Variants in MINDY4 observed in about 807,000 individuals in gnomAD.
MINDY4 encodes the protein MINDY lysine 48 deubiquitinase 4.
MINDY4 carries 68 observed loss-of-function variants against 87.0 expected under a neutral mutation model. The observed-to-expected ratio is 0.78, with a 90% CI of 0.64 to 0.96. MINDY4 has a LOEUF of 0.96. Among genes scored for constraint, MINDY4 ranks in the 40% least tolerant of loss-of-function variants. The probability of loss-of-function intolerance (pLI) is 0.00; values close to 1 mark genes in which losing one functional copy is unlikely to be tolerated. For synonymous variants in MINDY4, 379 were observed against 363.2 expected (o/e 1.04, Z -0.50); for missense variants, 919 against 928.2 (o/e 0.99, Z 0.13).
intron 13 of MINDY4, among the ~76,000 whole-genome samples, chr7:30,862,913 T>G (rs1238375507): frequency 6.6e-6 from 1 of 152,220 alleles, no homozygotes; most frequent in Non-Finnish European, 1.5e-5. Context: ...TAAGCTTTAT[T>G]TTCAAGCTCA....
At chr7:30,773,979 T>G (rs1157578433) in intron 1 of MINDY4, among the ~76,000 whole-genome samples, 1 of 152,108 alleles carries the variant, frequency 6.6e-6, no homozygotes, top group African/African-American at 2.4e-5. Context: ...ACAGTAAAAT[T>G]CCACTCGTCC....
chr7:30,850,088 T>G (rs1405636740), intron 9 of MINDY4, among the ~76,000 whole-genome samples: 2 of 152,154 alleles, frequency 1.3e-5, no homozygotes, highest in African/African-American at 2.4e-5. Context: ...TGGCAGTCAT[T>G]CCCGAGCACT....
At chr7:30,806,042 G>C (rs1787796456) in intron 5 of MINDY4, among the ~76,000 whole-genome samples, 2 of 152,146 alleles carry the variant, frequency 1.3e-5, no homozygotes, top group Admixed American at 1.3e-4. Context: ...GATGGGCCCA[G>C]GGCATTACAA....
At chr7:30,851,260 A>G (rs933905612) in intron 10 of MINDY4, among the ~76,000 whole-genome samples, 7 of 152,150 alleles carry the variant, frequency 4.6e-5, no homozygotes, top group African/African-American at 1.7e-4. Context: ...ATTGCTTCAG[A>G]GAAAGGACTC....
chr7:30,866,220 C>T (rs962615390), intron 13 of MINDY4, among the ~76,000 whole-genome samples: 4 of 152,236 alleles, frequency 2.6e-5, no homozygotes, highest in African/African-American at 9.6e-5. Flanking sequence ...TGTGCATCTC[C>T]TGCCCCTATC....
chr7:30,812,705 C>T (rs1227984279), intron 5 of MINDY4, among the ~76,000 whole-genome samples: 1 of 152,150 alleles, frequency 6.6e-6, no homozygotes, highest in Non-Finnish European at 1.5e-5. Context: ...AGAAAACAGG[C>T]TTTTTCATGT....
chr7:30,785,960 A>G lies in MINDY4; in HGVS notation c.631A>G (p.Met211Val), dbSNP rs770112487. 2 of 1,614,206 alleles carry G rather than the reference A, an allele frequency of 1.2e-6. No individual in the cohort carries two copies. Among genetic ancestry groups the G allele is most frequent in the Non-Finnish European group, 1.7e-6 (2 of 1,180,042 alleles). The change falls in exon 4 of 18, where the codon ATG becomes GTG. Residue 211 changes from methionine (M) to valine (V), a missense_variant. By Grantham distance (21) the Met-to-Val change is conservative. Coordinates refer to ENST00000265299, the MANE Select transcript of MINDY4 (RefSeq NM_032222.3). ...AAAGTCTGGTCTGATTGTGCGAGGCATGATGTCTGGGCCCATCGCCAGCTC... is the reference window on the plus strand; with the variant it reads ...AAAGTCTGGTCTGATTGTGCGAGGCGTGATGTCTGGGCCCATCGCCAGCTC... ...RPKSGLIVRGMMSGPIASSPQ... is the reference protein window; with the variant it reads ...RPKSGLIVRGVMSGPIASSPQ...
intron 4 of MINDY4, among the ~76,000 whole-genome samples, chr7:30,787,233 T>C (rs1787182619): frequency 1.3e-5 from 2 of 152,160 alleles, no homozygotes; most frequent in African/African-American, 4.8e-5. Flanking sequence ...GGGGTCCAGA[T>C]CAAGGAAGAG....
At chr7:30,780,793 A>G (rs1786989258) in intron 2 of MINDY4, 1 of 152,262 alleles carries the variant, frequency 6.6e-6, no homozygotes, top group Non-Finnish European at 1.5e-5. Flanking sequence ...AGGGATAGTC[A>G]GGCAATTCAG....
intron 5 of MINDY4, among the ~76,000 whole-genome samples, chr7:30,808,960 A>G (rs1787900467): frequency 6.6e-6 from 1 of 150,746 alleles, no homozygotes; most frequent in Non-Finnish European, 1.5e-5. Flanking sequence ...AGAGAGAGGC[A>G]GAGAGAGAGA....
At chr7:30,836,785 G>T in intron 7 of MINDY4, 21 bp downstream of exon 7, 1 of 1,574,710 alleles carries the variant, frequency 6.4e-7, no homozygotes, top group South Asian at 1.1e-5. Context: ...GGAGACTCCT[G>T]GGTTAAATGT....
In MINDY4 at chr7:30,771,437, A is replaced by G. The variant is rs925442016; in HGVS notation, c.-57A>G. 5.1e-6 allele frequency: 8 copies of G among 1,559,342 alleles called. No homozygotes were observed. Among genetic ancestry groups the G allele is most frequent in the South Asian group, 2.4e-5 (2 of 84,918 alleles). On this transcript the variant is annotated 5_prime_UTR_variant, in exon 1 of 18. Coordinates refer to ENST00000265299, the MANE Select transcript of MINDY4 (RefSeq NM_032222.3). ...CGGCCATACTGCGCCGGACAGACCC[A>G]GTTGCCTGGTGCTGCGGCCCGGCGT... is the stretch of plus-strand genomic sequence containing the variant.
intron 15 of MINDY4, among the ~76,000 whole-genome samples, chr7:30,880,019 G>T (rs942377131): frequency 1.1e-4 from 17 of 152,178 alleles, no homozygotes; most frequent in African/African-American, 4.1e-4. Flanking sequence ...TTTAATTAAT[G>T]TGTCATCCCC....
intron 5 of MINDY4, among the ~76,000 whole-genome samples, chr7:30,813,387 C>G (rs79714917): frequency 6.6e-6 from 1 of 152,140 alleles, no homozygotes; most frequent in African/African-American, 2.4e-5. Context: ...CTTGTGCTCC[C>G]GTGCTGTGGG....
At chr7:30,885,331 C>T (rs775759030) in intron 17 of MINDY4, among the ~76,000 whole-genome samples, 10 of 152,116 alleles carry the variant, frequency 6.6e-5, no homozygotes, top group Non-Finnish European at 1.3e-4. Context: ...ACCAGCCTAA[C>T]CAACATGGAG....
intron 9 of MINDY4, among the ~76,000 whole-genome samples, chr7:30,841,766 A>T (rs1249875893): frequency 6.6e-6 from 1 of 152,096 alleles, no homozygotes; most frequent in African/African-American, 2.4e-5. Context: ...TATTTCTAGT[A>T]CTCCAGAAGC....
At chr7:30,874,008 TA>T (rs2128579106) in intron 14 of MINDY4, among the ~76,000 whole-genome samples, 1 of 152,304 alleles carries the variant, frequency 6.6e-6, no homozygotes, top group Admixed American at 6.5e-5. Context: ...GTATTGGTGT[TA>T]ACTGAGGGAT....
At chr7:30,867,948 A>C (rs75664867) in intron 13 of MINDY4, among the ~76,000 whole-genome samples, 92 of 152,296 alleles carry the variant, frequency 6.0e-4, no homozygotes, top group Non-Finnish European at 1.1e-3. Flanking sequence ...CTGGCTTTCT[A>C]AGTGAAGACA....
intron 15 of MINDY4, among the ~76,000 whole-genome samples, chr7:30,877,287 C>G (rs1022343603): frequency 6.6e-6 from 1 of 152,132 alleles, no homozygotes; most frequent in Non-Finnish European, 1.5e-5. Flanking sequence ...TGGTTTCATT[C>G]TTGGGTCGAG....
Sources: allele counts gnomAD v4.1 joint callset (sites outside exome capture counted in the v4.1 genomes callset), GRCh38; gene constraint gnomAD v4.1.1; transcripts MANE v1.5; gene names NCBI Gene and HGNC (gene_info 2026-07-23, HGNC 2026-07-21).